Variants in ENOX1 observed in about 807,000 individuals in gnomAD.
The protein encoded by ENOX1 is candidate growth-related and time keeping constitutive hydroquinone (NADH) oxidase.
A neutral mutation model predicts 82.5 loss-of-function variants in ENOX1; 42 were observed. The ratio of observed to expected loss-of-function variants is 0.51; its 90% confidence interval spans 0.40 to 0.66. ENOX1 has a LOEUF of 0.66. Among genes scored for constraint, ENOX1 ranks in the 30% least tolerant of loss-of-function variants. The pLI is 0.00. For missense variants in ENOX1, 608 were observed against 811.6 expected, an observed-to-expected ratio of 0.75 and a Z score of 3.05; for synonymous variants, 271 against 282.2, an observed-to-expected ratio of 0.96 and a Z score of 0.40.
chr13:43,550,849 T>C (rs922516709), intron 2 of ENOX1, among the ~76,000 whole-genome samples: 2 of 152,218 alleles, frequency 1.3e-5, no homozygotes, highest in African/African-American at 2.4e-5. Flanking sequence ...AATGAGCCTT[T>C]TGTGACATTA....
chr13:43,298,042 G>A (rs2046371037), intron 12 of ENOX1, among the ~76,000 whole-genome samples: 1 of 152,224 alleles, frequency 6.6e-6, no homozygotes, highest in African/African-American at 2.4e-5. Flanking sequence ...ATCATGCAGG[G>A]ATCTGCTAGG....
At chr13:43,429,713 A>G (rs542954455) in intron 3 of ENOX1, among the ~76,000 whole-genome samples, 1 of 152,312 alleles carries the variant, frequency 6.6e-6, no homozygotes, top group East Asian at 1.9e-4. Context: ...AGGAAAAGAG[A>G]AAACATGAAT....
intron 9 of ENOX1, 81 bp downstream of exon 9, chr13:43,344,457 C>A (rs1312761991): frequency 3.5e-6 from 4 of 1,135,580 alleles, no homozygotes; most frequent in Non-Finnish European, 5.1e-6. Context: ...GAACTACTTA[C>A]CCCCAAATGA....
At chr13:43,765,578 T>A (rs1951215864) in intron 1 of ENOX1, among the ~76,000 whole-genome samples, 1 of 152,160 alleles carries the variant, frequency 6.6e-6, no homozygotes, top group South Asian at 2.1e-4. Flanking sequence ...TAGCTATCCA[T>A]TCCTCGAGTA....
intron 1 of ENOX1, among the ~76,000 whole-genome samples, chr13:43,670,854 C>A (rs1289881791): frequency 4.8e-5 from 6 of 123,848 alleles, no homozygotes; most frequent in Non-Finnish European, 1.7e-5. Context: ...AACAACAAAA[C>A]AACAACAACA....
chr13:43,256,048 CAT>C (rs1282812286), intron 14 of ENOX1, among the ~76,000 whole-genome samples: 6 of 152,086 alleles, frequency 3.9e-5, no homozygotes, highest in Non-Finnish European at 8.8e-5. Context: ...GTGTCAAAAA[CAT>C]AGATTGGGGA....
chr13:43,233,513 C>T (rs1219249773), intron 15 of ENOX1, among the ~76,000 whole-genome samples: 2 of 152,156 alleles, frequency 1.3e-5, no homozygotes, highest in African/African-American at 4.8e-5. Context: ...GGGCAGAATA[C>T]ACCCTTTTGC....
At chr13:43,411,879 C>T in intron 5 of ENOX1, 37 bp downstream of exon 5, 2 of 1,612,856 alleles carry the variant, frequency 1.2e-6, no homozygotes, top group Non-Finnish European at 1.7e-6. Flanking sequence ...CCCTTCGGCA[C>T]TGCTGCAAGC....
intron 3 of ENOX1, among the ~76,000 whole-genome samples, chr13:43,456,613 G>A (rs2153634694): frequency 6.6e-6 from 1 of 152,210 alleles, no homozygotes; most frequent in East Asian, 1.9e-4. Context: ...AGCTATGTCA[G>A]GGAATAGTCC....
chr13:43,691,219 C>T lies in ENOX1; in HGVS notation c.-284-23675G>A, dbSNP rs989443948. ...GGACCACCTTTCACTCTCCCATCAG[C>T]ATCATTTTTCATAAGTAAGTACCAA... On this transcript the variant is annotated intron_variant, in intron 1 of 16. Transcript: ENST00000690772. 2.0e-5 allele frequency among the ~76,000 whole-genome samples: 3 copies of T among 152,044 alleles called. No homozygotes were observed. The South Asian group carries it at 6.2e-4, about 32-fold the overall frequency.
intron 2 of ENOX1, among the ~76,000 whole-genome samples, chr13:43,589,039 T>C (rs1199365744): frequency 6.6e-6 from 1 of 151,974 alleles, no homozygotes; most frequent in African/African-American, 2.4e-5. Flanking sequence ...ATTTGCATGA[T>C]GGATAAACAG....
At chr13:43,221,858 T>C (rs1360535074) in intron 16 of ENOX1, among the ~76,000 whole-genome samples, 1 of 152,120 alleles carries the variant, frequency 6.6e-6, no homozygotes, top group Admixed American at 6.5e-5. Context: ...CCTGTTCTCA[T>C]CAGTACAGGG....
intron 3 of ENOX1, among the ~76,000 whole-genome samples, chr13:43,457,461 T>G (rs1272232845): frequency 6.6e-6 from 1 of 151,846 alleles, no homozygotes; most frequent in Non-Finnish European, 1.5e-5. Context: ...TAGACGCATA[T>G]CAATTTATCA....
At chr13:43,486,067 G>T (rs554067845) in intron 2 of ENOX1, among the ~76,000 whole-genome samples, 1 of 152,122 alleles carries the variant, frequency 6.6e-6, no homozygotes. Context: ...AAAATTAGCC[G>T]GGCATGGTGG....
intron 2 of ENOX1, among the ~76,000 whole-genome samples, chr13:43,630,983 G>A (rs1052645385): frequency 1.3e-5 from 2 of 151,966 alleles, no homozygotes; most frequent in East Asian, 1.9e-4. Context: ...GGCTCATACC[G>A]TAAATACCAC....
chr13:43,512,554 T>C (rs988270298), intron 2 of ENOX1, among the ~76,000 whole-genome samples: 14 of 151,826 alleles, frequency 9.2e-5, no homozygotes, highest in African/African-American at 3.4e-4. Context: ...ATAAAACAAT[T>C]TACAGAAAAG....
intron 1 of ENOX1, among the ~76,000 whole-genome samples, chr13:43,734,376 T>C (rs2089504534): frequency 6.6e-6 from 1 of 152,334 alleles, no homozygotes; most frequent in South Asian, 2.1e-4. Flanking sequence ...TTAGATGCTA[T>C]AGAACCTTCT....
At position 43,722,827 on chromosome 13, in the gene ENOX1, AAAT is replaced by A. The variant is rs528369117; in HGVS notation, c.-284-55286_-284-55284del. Among the ~76,000 whole-genome samples the A allele has an allele frequency of 2.0e-3, 308 of 152,358 alleles. 1 individual carries two copies. Among genetic ancestry groups the A allele is most frequent in the Middle Eastern group, 6.8e-3 (2 of 294 alleles). On this transcript the variant is annotated intron_variant, in intron 1 of 16. Transcript: ENST00000690772. ...TGAACATTTATCTGGCTGCTAAAAG[AAAT>A]AATAATGATTACAAATCCCAGGTCT... is the stretch of plus-strand genomic sequence containing the variant.
intron 3 of ENOX1, among the ~76,000 whole-genome samples, chr13:43,421,214 C>G (rs191351436): frequency 6.6e-6 from 1 of 152,266 alleles, no homozygotes; most frequent in African/African-American, 2.4e-5. Flanking sequence ...TAGTATCTAA[C>G]TAGTTATTCA....
Sources: gnomAD v4.1 joint callset for allele counts (sites outside exome capture counted in the v4.1 genomes callset) on GRCh38, gnomAD v4.1.1 for gene constraint, MANE v1.5 for transcripts, NCBI Gene and HGNC (gene_info 2026-07-23, HGNC 2026-07-21) for gene names.